The following TRAF2 variants were observed in gnomAD, a reference collection of about 807,000 sequenced individuals.
The protein encoded by TRAF2 is TNF receptor associated factor 2.
A neutral mutation model predicts 55.6 loss-of-function variants in TRAF2; 6 were observed. That is an observed-to-expected ratio of 0.11 (90% CI 0.06 to 0.21). TRAF2 has a LOEUF of 0.21. Ranked by LOEUF, TRAF2 falls within the 10% of genes least tolerant of loss-of-function variation. The probability of loss-of-function intolerance (pLI) is 1.00; values close to 1 mark genes in which losing one functional copy is unlikely to be tolerated. For missense variants in TRAF2, 561 were observed against 684.5 expected (o/e 0.82, Z 2.01); for synonymous variants, 329 against 276.3 (o/e 1.19, Z -1.89).
intron 4 of TRAF2, among the ~76,000 whole-genome samples, chr9:136,905,166 C>A (rs1460053917): frequency 6.6e-6 from 1 of 152,230 alleles, no homozygotes; most frequent in East Asian, 1.9e-4. Flanking sequence ...CTCTATGGAG[C>A]TGCTGACCCC....
At chr9:136,917,642 A>G (rs549513293) in intron 7 of TRAF2, among the ~76,000 whole-genome samples, 2 of 152,328 alleles carry the variant, frequency 1.3e-5, no homozygotes, top group East Asian at 1.9e-4. Context: ...GCTTGAAGAC[A>G]GGGATGTCTT....
intron 2 of TRAF2, among the ~76,000 whole-genome samples, chr9:136,899,163 G>A (rs1447512115): frequency 1.3e-5 from 2 of 152,244 alleles, no homozygotes; most frequent in African/African-American, 2.4e-5. Context: ...CGTCATTACA[G>A]TTAATTTTAT....
Position 136,898,931 on chromosome 9 carries a change from G to T in TRAF2, c.188+3G>T, listed in dbSNP as rs1429084108. ...TTCTGCCTGGCCAGCATCCTCAGGT[G>T]CATGGGGCCTGCAGGCTGGGAGGAG... On this transcript the variant is annotated splice_donor_region_variant and intron_variant, in intron 2 of 10. Transcript: ENST00000247668. 1.2e-6 allele frequency: 2 copies of T among 1,601,488 alleles called. No individual in the cohort carries two copies. The highest frequency in any genetic ancestry group is 2.3e-5 in the East Asian group (1 of 44,300).
chr9:136,904,493 C>T (rs1488741627), intron 4 of TRAF2, among the ~76,000 whole-genome samples: 1 of 152,166 alleles, frequency 6.6e-6, no homozygotes, highest in Non-Finnish European at 1.5e-5. Context: ...GCAAGCTCCA[C>T]CTCCCACGTT....
rs147553602 is a variant in TRAF2, at chr9:136,913,417, C to T, written c.604-3124C>T. Among the ~76,000 whole-genome samples the T allele has an allele frequency of 5.2e-3, 766 of 148,160 alleles. 4 individuals are homozygous for T. The highest frequency in any genetic ancestry group is 7.5e-3 in the Non-Finnish European group (506 of 67,594). ...GATTCAAGTGATTCTCCTGCCTCAG[C>T]GTCCCTAGTAGCTGGGATTACAGGT... On this transcript the variant is annotated intron_variant, in intron 6 of 10. Coordinates refer to ENST00000247668, the MANE Select transcript of TRAF2 (RefSeq NM_021138.4).
At chr9:136,925,296 A>T (rs1850501722) in intron 10 of TRAF2, among the ~76,000 whole-genome samples, 1 of 152,072 alleles carries the variant, frequency 6.6e-6, no homozygotes, top group African/African-American at 2.4e-5. Context: ...AGTGCTCTTC[A>T]CGAGTGGGCA....
chr9:136,885,689 A>T (rs1326145305), upstream of TRAF2, among the ~76,000 whole-genome samples: 1 of 151,498 alleles, frequency 6.6e-6, no homozygotes, highest in Non-Finnish European at 1.5e-5. Context: ...AATCGCTTGA[A>T]CCCGGGAGGC....
intron 4 of TRAF2, among the ~76,000 whole-genome samples, chr9:136,904,395 C>CT (rs1219776049): frequency 1.3e-5 from 2 of 151,700 alleles, no homozygotes; most frequent in African/African-American, 2.4e-5. Flanking sequence ...AAAGAACAGT[C>CT]TTTTTTATTT....
At chr9:136,888,877 T>C (rs1255293111) in intron 1 of TRAF2, among the ~76,000 whole-genome samples, 1 of 152,130 alleles carries the variant, frequency 6.6e-6, no homozygotes, top group African/African-American at 2.4e-5. Flanking sequence ...ATGCCCCCAC[T>C]CTCCTGTGGA....
chr9:136,903,842 C>T (rs1432729211), intron 4 of TRAF2, among the ~76,000 whole-genome samples: 1 of 152,082 alleles, frequency 6.6e-6, no homozygotes, highest in African/African-American at 2.4e-5. Flanking sequence ...CCACCACTCC[C>T]GGCTAATTTT....
At chr9:136,914,126 G>A (rs1850185935) in intron 6 of TRAF2, among the ~76,000 whole-genome samples, 1 of 152,146 alleles carries the variant, frequency 6.6e-6, no homozygotes, top group Non-Finnish European at 1.5e-5. Flanking sequence ...GGGGCCTGGG[G>A]GTTGCCCTCC....
chr9:136,888,122 C>G (rs575726682), intron 1 of TRAF2, among the ~76,000 whole-genome samples: 3 of 152,274 alleles, frequency 2.0e-5, no homozygotes, highest in East Asian at 3.9e-4. Flanking sequence ...CCACCCGCCT[C>G]GGCCTCCCAA....
rs546472205 is a variant in TRAF2, at chr9:136,924,981, C to T, written c.1288-702C>T. 2.6e-5 allele frequency among the ~76,000 whole-genome samples: 4 copies of T among 152,228 alleles called. No individual in the cohort carries two copies. In the South Asian group the frequency reaches 8.3e-4, roughly 32 times the overall value. The stretch of plus-strand genomic sequence containing the variant: ...CTTGATCTCCTGACCTTGTGATCCG[C>T]CCACCTTGGCCTCCCAAAGTGCTGG... On this transcript the variant is annotated intron_variant, in intron 10 of 10. Transcript: ENST00000247668.
intron 6 of TRAF2, among the ~76,000 whole-genome samples, chr9:136,912,233 G>A (rs1222517324): frequency 2.1e-5 from 3 of 140,610 alleles, no homozygotes; most frequent in African/African-American, 8.1e-5. Context: ...CGCAATCTCG[G>A]CTCATTGCAA....
At chr9:136,925,409 G>A (rs1447463881) in intron 10 of TRAF2, among the ~76,000 whole-genome samples, 2 of 152,236 alleles carry the variant, frequency 1.3e-5, no homozygotes, top group African/African-American at 4.8e-5. Context: ...GTAAGCTTTA[G>A]TCTAGGACTC....
chr9:136,908,166 G>T lies in TRAF2; in HGVS notation c.463G>T (p.Glu155Ter). 1 of 1,602,574 alleles carries T rather than the reference G, an allele frequency of 6.2e-7. No individual in the cohort carries two copies. The highest frequency in any genetic ancestry group is 1.1e-5 in the South Asian group (1 of 91,078). The change falls in exon 5 of 11, where the codon GAG becomes TAG. Residue 155 changes from glutamate to a stop codon, truncating the protein, a stop_gained. Coordinates refer to ENST00000247668, the MANE Select transcript of TRAF2 (RefSeq NM_021138.4). LOFTEE classifies it high-confidence loss of function. ...LGEKERHLEH[E>*]CPERSLSCRH... Reference sequence around the variant, plus strand: ...TGAAAAGGAGCGCCACCTGGAGCACGAGTGCCCGGAGAGAAGCCTGAGCTG... The same window carrying T: ...TGAAAAGGAGCGCCACCTGGAGCACTAGTGCCCGGAGAGAAGCCTGAGCTG...
chr9:136,922,761 G>A (rs1308826727), intron 9 of TRAF2, among the ~76,000 whole-genome samples: 1 of 141,690 alleles, frequency 7.1e-6, no homozygotes, highest in East Asian at 2.2e-4. Context: ...GGCATGTGGT[G>A]GAGGACTAGG....
At chr9:136,920,823 C>T (rs567452654) in intron 8 of TRAF2, among the ~76,000 whole-genome samples, 1 of 152,216 alleles carries the variant, frequency 6.6e-6, no homozygotes, top group Non-Finnish European at 1.5e-5. Context: ...GGCTTCTGAG[C>T]ACGCTTGCTG....
At chr9:136,885,120 G>A (rs17243606), upstream of TRAF2, among the ~76,000 whole-genome samples, 1,117 of 152,332 alleles carry the variant, frequency 7.3e-3, 17 homozygotes, top group African/African-American at 0.025. Context: ...GGTTTGGGGC[G>A]GAGGGGAATT....
Sources: allele counts gnomAD v4.1 joint callset (sites outside exome capture counted in the v4.1 genomes callset), GRCh38; gene constraint gnomAD v4.1.1; transcripts MANE v1.5; gene names NCBI Gene and HGNC (gene_info 2026-07-23, HGNC 2026-07-21).